Variants in OSBPL1A observed in about 807,000 individuals in gnomAD.
The protein encoded by OSBPL1A is oxysterol binding protein like 1A.
A neutral mutation model predicts 137.1 loss-of-function variants in OSBPL1A; 80 were observed. That is an observed-to-expected ratio of 0.58 (90% CI 0.49 to 0.70). The LOEUF (loss-of-function observed/expected upper bound fraction) is 0.70. Ranked by LOEUF, OSBPL1A falls within the 30% of genes least tolerant of loss-of-function variation. OSBPL1A has a pLI of 0.00. For missense variants in OSBPL1A, 970 were observed against 1,129.4 expected (o/e 0.86, Z 2.02); for synonymous variants, 365 against 389.7 (o/e 0.94, Z 0.75).
At chr18:24,177,630 C>T (rs55892334) in intron 21 of OSBPL1A, among the ~76,000 whole-genome samples, 1 of 152,178 alleles carries the variant, frequency 6.6e-6, no homozygotes, top group African/African-American at 2.4e-5. Flanking sequence ...TATCTAACGC[C>T]TAACATGTGC....
intron 16 of OSBPL1A, among the ~76,000 whole-genome samples, chr18:24,225,832 T>C (rs2088058602): frequency 6.6e-6 from 1 of 151,746 alleles, no homozygotes; most frequent in African/African-American, 2.4e-5. Context: ...AACAGCCAGG[T>C]ATGGTGGTGT....
intron 15 of OSBPL1A, among the ~76,000 whole-genome samples, chr18:24,274,344 A>G (rs557244007): frequency 1.4e-4 from 22 of 152,284 alleles, no homozygotes; most frequent in Non-Finnish European, 2.6e-4. Flanking sequence ...AATGGGTGGC[A>G]AGTCTATGAG....
chr18:24,341,764 C>G (rs375082192), intron 4 of OSBPL1A, 106 bp from the exon 5 acceptor site: 11 of 649,354 alleles, frequency 1.7e-5, no homozygotes, highest in South Asian at 8.4e-5. Flanking sequence ...TAGAAAAAAG[C>G]ACCAGGTGAG....
rs113428678 is a variant in OSBPL1A at position 24,280,978 on chromosome 18, C to T, written c.1175-30G>A. 5.8e-4 allele frequency: 849 copies of T among 1,471,662 alleles called. 4 individuals carry two copies. The African/African-American group carries it at 0.01, about 18-fold the overall frequency. 91.2% of individuals were successfully genotyped at this position (1,471,662 alleles called of 1,614,324 possible). On this transcript the variant is annotated intron_variant, in intron 14 of 27. Transcript: ENST00000319481. ...AAAGAAAAAAATAAATACAGTGAGT[C>T]GGATTTTAAGGAATCTTAAGGTAAA...
chr18:24,347,758 C>T (rs1161918851), intron 4 of OSBPL1A: 3 of 141,950 alleles, frequency 2.1e-5, no homozygotes, highest in Non-Finnish European at 4.5e-5. Flanking sequence ...AGGAGAATCA[C>T]TTGAACTCGG....
At chr18:24,175,270 C>T (rs964734861) in intron 21 of OSBPL1A, among the ~76,000 whole-genome samples, 79 of 151,376 alleles carry the variant, frequency 5.2e-4, no homozygotes, top group African/African-American at 1.8e-3. Flanking sequence ...ACTGCAGCCT[C>T]GAACTCCTGG....
intron 18 of OSBPL1A, among the ~76,000 whole-genome samples, chr18:24,191,669 A>G (rs1250889596): frequency 6.6e-6 from 1 of 152,222 alleles, no homozygotes; most frequent in South Asian, 2.1e-4. Context: ...TTTAATTTTT[A>G]TACATATTTC....
At chr18:24,375,475 T>A (rs116500739) in intron 2 of OSBPL1A, among the ~76,000 whole-genome samples, 1 of 152,206 alleles carries the variant, frequency 6.6e-6, no homozygotes, top group Non-Finnish European at 1.5e-5. Flanking sequence ...TTGTGATGTA[T>A]TGGCCACTTT....
intron 1 of OSBPL1A, among the ~76,000 whole-genome samples, chr18:24,382,193 G>C (rs1488637845): frequency 6.8e-6 from 1 of 147,836 alleles, no homozygotes; most frequent in Non-Finnish European, 1.5e-5. Context: ...GAGGTCAGGA[G>C]TTCGAGACCA....
chr18:24,225,220 G>A (rs2088036269), intron 16 of OSBPL1A, 22 bp from the exon 17 acceptor site: 2 of 1,613,302 alleles, frequency 1.2e-6, no homozygotes, highest in Admixed American at 3.3e-5. Context: ...CAGGTTCATA[G>A]TTAATGAATT....
intron 4 of OSBPL1A, among the ~76,000 whole-genome samples, chr18:24,365,027 A>AC (rs1236386740): frequency 1.8e-3 from 236 of 128,696 alleles, no homozygotes; most frequent in African/African-American, 5.2e-3. Context: ...AACAACAACA[A>AC]AAAAAAAAAA....
chr18:24,324,903 T>A (rs571938700), intron 7 of OSBPL1A, among the ~76,000 whole-genome samples: 4 of 151,044 alleles, frequency 2.6e-5, no homozygotes, highest in African/African-American at 9.7e-5. Flanking sequence ...CTGGCCAACA[T>A]GGTGAAACCC....
chr18:24,285,363 A>G (rs2090050117), intron 14 of OSBPL1A, among the ~76,000 whole-genome samples: 1 of 152,246 alleles, frequency 6.6e-6, no homozygotes, highest in African/African-American at 2.4e-5. Context: ...TTCACTTATT[A>G]TATTTTACCT....
intron 4 of OSBPL1A, among the ~76,000 whole-genome samples, chr18:24,350,477 A>AGAT (rs951951675): frequency 2.6e-5 from 4 of 152,132 alleles, no homozygotes; most frequent in African/African-American, 4.8e-5. Context: ...GGGTAGGTAG[A>AGAT]GATAGGGTCT....
intron 13 of OSBPL1A, among the ~76,000 whole-genome samples, chr18:24,306,350 A>G (rs1340832921): frequency 6.6e-6 from 1 of 152,202 alleles, no homozygotes; most frequent in African/African-American, 2.4e-5. Flanking sequence ...GAAAATGCAT[A>G]TCAAGGGGGT....
intron 14 of OSBPL1A, among the ~76,000 whole-genome samples, chr18:24,298,437 C>T (rs529891016): frequency 5.9e-5 from 9 of 152,328 alleles, no homozygotes; most frequent in East Asian, 5.8e-4. Flanking sequence ...ACCTCTACCC[C>T]CCGGGTTCAA....
chr18:24,188,609 A>G (rs1211247461), intron 18 of OSBPL1A, among the ~76,000 whole-genome samples: 2 of 152,242 alleles, frequency 1.3e-5, no homozygotes, highest in African/African-American at 4.8e-5. Context: ...GCTGGGTCAA[A>G]TAACAGAGAG....
chr18:24,261,907 C>A (rs2089453411), intron 15 of OSBPL1A, among the ~76,000 whole-genome samples: 1 of 152,146 alleles, frequency 6.6e-6, no homozygotes, highest in Non-Finnish European at 1.5e-5. Flanking sequence ...AATACTCACT[C>A]TGATATTACT....
chr18:24,242,582 C>A (rs1184313851), intron 15 of OSBPL1A, among the ~76,000 whole-genome samples: 1 of 152,154 alleles, frequency 6.6e-6, no homozygotes, highest in East Asian at 1.9e-4. Flanking sequence ...AGCTGCACAT[C>A]AGGTACAACA....
Sources: gnomAD v4.1 joint callset for allele counts (sites outside exome capture counted in the v4.1 genomes callset) on GRCh38, gnomAD v4.1.1 for gene constraint, MANE v1.5 for transcripts, NCBI Gene and HGNC (gene_info 2026-07-23, HGNC 2026-07-21) for gene names.